The following RNF180 variants were observed in gnomAD, a reference collection of about 807,000 sequenced individuals.
The protein encoded by RNF180 is E3 ubiquitin-protein ligase RNF180.
A neutral mutation model predicts 59.2 loss-of-function variants in RNF180; 38 were observed. The ratio of observed to expected loss-of-function variants is 0.64; its 90% CI spans 0.50 to 0.84. The LOEUF is 0.84. Among genes scored for constraint, RNF180 ranks in the 40% least tolerant of loss-of-function variants. RNF180 has a pLI of 0.00. For synonymous variants in RNF180, 262 were observed against 240.3 expected, an observed-to-expected ratio of 1.09 and a Z score of -0.84; for missense variants, 705 against 700.9, an observed-to-expected ratio of 1.01 and a Z score of -0.07.
intron 5 of RNF180, among the ~76,000 whole-genome samples, chr5:64,233,042 G>A (rs1431740744): frequency 1.3e-5 from 2 of 152,200 alleles, no homozygotes; most frequent in Non-Finnish European, 1.5e-5. Context: ...ACATAGTTAA[G>A]TTGGCTTAAA....
intron 1 of RNF180, among the ~76,000 whole-genome samples, chr5:64,170,664 A>G (rs549301563): frequency 2.6e-4 from 40 of 152,324 alleles, no homozygotes; most frequent in Non-Finnish European, 3.8e-4. Context: ...AAAGCCATCC[A>G]CAGTGTGAAG....
rs956315080 is a variant in RNF180, at chr5:64,372,800, A to C, written c.*2986A>C. On this transcript the variant is annotated 3_prime_UTR_variant, in exon 8 of 8. Transcript: ENST00000389100. ...TTCTTGAAGTGTTTGATTGTCAGTA[A>C]ATTTTCGAAGAACATTAAAGTTCTA... 3 of 151,906 alleles carry C rather than the reference A, an allele frequency of 2.0e-5. No homozygotes were observed. Among genetic ancestry groups the C allele is most frequent in the East Asian group, 3.9e-4 (2 of 5,156 alleles). 9.4% of individuals were successfully genotyped at this position (151,906 alleles called of 1,614,324 possible). A position where few individuals can be genotyped will look rare whatever the true frequency, so the allele number is the denominator to read the frequency against.
intron 5 of RNF180, among the ~76,000 whole-genome samples, chr5:64,278,674 A>G (rs1467385804): frequency 1.3e-5 from 2 of 152,216 alleles, no homozygotes; most frequent in Non-Finnish European, 2.9e-5. Flanking sequence ...GGTAACAGTA[A>G]TTAAGATTTT....
At chr5:64,210,056 C>G (rs569799309) in intron 2 of RNF180, among the ~76,000 whole-genome samples, 1 of 151,948 alleles carries the variant, frequency 6.6e-6, no homozygotes, top group Non-Finnish European at 1.5e-5. Context: ...ACTATTAGAA[C>G]TTAGAAAAGG....
At chr5:64,305,907 T>C (rs900025708) in intron 5 of RNF180, among the ~76,000 whole-genome samples, 3 of 151,616 alleles carry the variant, frequency 2.0e-5, no homozygotes, top group African/African-American at 7.3e-5. Flanking sequence ...GGTAGAACCA[T>C]GCAATGACTC....
intron 6 of RNF180, 25 bp from the exon 7 acceptor site, chr5:64,330,256 C>T: frequency 7.3e-7 from 1 of 1,378,664 alleles, no homozygotes; most frequent in Non-Finnish European, 1.0e-6. Context: ...ATTTCAAAAT[C>T]CTATTTTCTT....
chr5:64,322,247 T>C (rs566726112), intron 5 of RNF180, among the ~76,000 whole-genome samples: 1 of 152,036 alleles, frequency 6.6e-6, no homozygotes, highest in Non-Finnish European at 1.5e-5. Flanking sequence ...GAAAATTTTT[T>C]CAATCTACCC....
chr5:64,239,306 AG>A (rs1378128161), intron 5 of RNF180, among the ~76,000 whole-genome samples: 1 of 152,150 alleles, frequency 6.6e-6, no homozygotes, highest in Non-Finnish European at 1.5e-5. Flanking sequence ...TACATTCCCC[AG>A]GTGACTCATA....
At chr5:64,267,318 T>G (rs2112338882) in intron 5 of RNF180, among the ~76,000 whole-genome samples, 1 of 151,064 alleles carries the variant, frequency 6.6e-6, no homozygotes, top group East Asian at 1.9e-4. Flanking sequence ...ACTGAAAAAG[T>G]TTTTTTTTCA....
At chr5:64,189,760 C>T (rs1001574929) in intron 1 of RNF180, among the ~76,000 whole-genome samples, 1 of 152,164 alleles carries the variant, frequency 6.6e-6, no homozygotes, top group African/African-American at 2.4e-5. Flanking sequence ...GGAGAGGACA[C>T]TCACTGTATC....
At chr5:64,307,731 A>G (rs1743549154) in intron 5 of RNF180, among the ~76,000 whole-genome samples, 1 of 151,796 alleles carries the variant, frequency 6.6e-6, no homozygotes, top group Admixed American at 6.6e-5. Context: ...CATAAAGCCT[A>G]TTTTATAATA....
chr5:64,180,497 TC>T (rs1275553318), intron 1 of RNF180, among the ~76,000 whole-genome samples: 54 of 152,328 alleles, frequency 3.5e-4, no homozygotes, highest in African/African-American at 1.2e-3. Context: ...TTCTCATTTT[TC>T]ATTAAGTTCC....
At chr5:64,250,348 T>C (rs1454833582) in intron 5 of RNF180, among the ~76,000 whole-genome samples, 2 of 152,022 alleles carry the variant, frequency 1.3e-5, no homozygotes, top group Non-Finnish European at 2.9e-5. Flanking sequence ...CAACCTAGCA[T>C]TGAACCTCAA....
intron 5 of RNF180, among the ~76,000 whole-genome samples, chr5:64,221,473 T>A (rs1741330635): frequency 6.6e-6 from 1 of 152,144 alleles, no homozygotes; most frequent in Non-Finnish European, 1.5e-5. Flanking sequence ...CAGTATAAGT[T>A]TGTTACTCTG....
rs189551136 is a variant in RNF180, at chr5:64,310,078, C to T, written c.1228-15108C>T. On this transcript the variant is annotated intron_variant, in intron 5 of 7. Coordinates refer to ENST00000389100, the MANE Select transcript of RNF180 (RefSeq NM_001113561.2). ...AACTCATTATATGAGACCAGCATTACCCTCATATCAAAAAACTTACAAGAA... is the reference window on the plus strand; with the variant it reads ...AACTCATTATATGAGACCAGCATTATCCTCATATCAAAAAACTTACAAGAA... 1.5e-4 allele frequency among the ~76,000 whole-genome samples: 23 copies of T among 151,656 alleles called. No homozygotes were observed. The East Asian group carries it at 4.5e-3, about 29-fold the overall frequency.
chr5:64,199,098 G>A (rs188619765), intron 1 of RNF180, among the ~76,000 whole-genome samples: 31 of 152,276 alleles, frequency 2.0e-4, no homozygotes, highest in African/African-American at 7.0e-4. Context: ...GATTACGGGC[G>A]TGAGCCACCA....
At chr5:64,272,667 A>G (rs537768643) in intron 5 of RNF180, among the ~76,000 whole-genome samples, 12 of 152,036 alleles carry the variant, frequency 7.9e-5, no homozygotes, top group South Asian at 2.1e-4. Context: ...TAGCTTATTG[A>G]AGTAGTCCAA....
At chr5:64,351,914 C>T (rs1745827756) in intron 7 of RNF180, among the ~76,000 whole-genome samples, 1 of 152,110 alleles carries the variant, frequency 6.6e-6, no homozygotes, top group South Asian at 2.1e-4. Flanking sequence ...ATTCTGGCCT[C>T]ATAAAATGAG....
At chr5:64,266,629 A>G (rs900834264) in intron 5 of RNF180, among the ~76,000 whole-genome samples, 2 of 152,168 alleles carry the variant, frequency 1.3e-5, no homozygotes, top group African/African-American at 4.8e-5. Flanking sequence ...GAAAAGACAT[A>G]AGGTGGCTTT....
Sources: allele counts gnomAD v4.1 joint callset (sites outside exome capture counted in the v4.1 genomes callset), GRCh38; gene constraint gnomAD v4.1.1; transcripts MANE v1.5; gene names NCBI Gene and HGNC (gene_info 2026-07-23, HGNC 2026-07-21).